Variants in PALLD observed in about 807,000 individuals in gnomAD.
PALLD encodes the protein palladin.
PALLD carries 61 observed loss-of-function variants against 123.5 expected under a neutral mutation model. That is an observed-to-expected ratio of 0.49 (90% CI 0.40 to 0.61). The LOEUF (loss-of-function observed/expected upper bound fraction) is 0.61, where lower values mean the gene tolerates loss of function less well. Among genes scored for constraint, PALLD ranks in the 20% least tolerant of loss-of-function variants. The pLI is 0.00. For missense variants in PALLD, 1,273 were observed against 1,377.0 expected (o/e 0.92, Z 1.20); for synonymous variants, 465 against 496.4 (o/e 0.94, Z 0.84).
intron 10 of PALLD, among the ~76,000 whole-genome samples, chr4:168,878,784 A>C (rs1752213130): frequency 6.6e-6 from 1 of 151,812 alleles, no homozygotes; most frequent in Non-Finnish European, 1.5e-5. Context: ...GCATTGCCCC[A>C]GTTAAAGTAC....
At chr4:168,510,028 T>C (rs560900008) in intron 1 of PALLD, among the ~76,000 whole-genome samples, 78 of 152,324 alleles carry the variant, frequency 5.1e-4, no homozygotes, top group African/African-American at 1.9e-3. Context: ...CTGGGGAATG[T>C]CCCACCAAGT....
In PALLD at chr4:168,878,227, G is replaced by GCCA. The variant is rs201979617; in HGVS notation, c.1965-12689_1965-12687dup. 2,898 of 1,478,304 alleles carry GCCA rather than the reference G, an allele frequency of 2.0e-3. 31 individuals are homozygous for GCCA. Among genetic ancestry groups the GCCA allele is most frequent in the South Asian group, 0.017 (1,372 of 80,878 alleles). The allele number at this position is 1,478,304 out of a possible 1,614,324, so 91.6% of individuals were successfully genotyped here. On this transcript the variant is annotated intron_variant, in intron 10 of 21. Transcript: ENST00000505667. ...TGCCCGACGTGTTCCCACTGCCGCCGCCACCACCGCCGCTCCCGAGCCCGG... is the reference window on the plus strand; with the variant it reads ...TGCCCGACGTGTTCCCACTGCCGCCGCCACCACCACCGCCGCTCCCGAGCCCGG...
rs377371167 is a variant in PALLD at position 168,511,754 on chromosome 4, A to C, written c.250A>C (p.Thr84Pro). 6.8e-6 allele frequency: 11 copies of C among 1,614,046 alleles called. No individual in the cohort carries two copies. Among genetic ancestry groups the C allele is most frequent in the Non-Finnish European group, 9.3e-6 (11 of 1,180,036 alleles). The change falls in exon 2 of 22, where the codon ACC becomes CCC. Residue 84 changes from threonine (T) to proline (P), a missense_variant. Coordinates refer to ENST00000505667, the MANE Select transcript of PALLD (RefSeq NM_001166108.2). ...SLCEHPSHKE[T>P]KLGEHASRRP... ...CTGTGAACATCCTTCCCATAAGGAGACCAAATTGGGTGAACACGCCTCGAG... is the reference window on the plus strand; with the variant it reads ...CTGTGAACATCCTTCCCATAAGGAGCCCAAATTGGGTGAACACGCCTCGAG...
At chr4:168,858,107 A>G (rs1331508827) in intron 10 of PALLD, among the ~76,000 whole-genome samples, 1 of 152,238 alleles carries the variant, frequency 6.6e-6, no homozygotes. Flanking sequence ...GATTTGAAGA[A>G]GTTTTCCTAA....
intron 10 of PALLD, among the ~76,000 whole-genome samples, chr4:168,720,080 T>C (rs1167869867): frequency 6.6e-6 from 1 of 152,180 alleles, no homozygotes; most frequent in Non-Finnish European, 1.5e-5. Flanking sequence ...TGCTGGGTAA[T>C]GTGGGGTGCT....
At chr4:168,604,017 G>GA (rs1187833233) in intron 2 of PALLD, among the ~76,000 whole-genome samples, 2 of 152,076 alleles carry the variant, frequency 1.3e-5, no homozygotes, top group African/African-American at 4.8e-5. Flanking sequence ...ACATAATCTG[G>GA]AAAAAACTAT....
At chr4:168,629,790 T>G (rs1775642327) in intron 2 of PALLD, among the ~76,000 whole-genome samples, 1 of 152,162 alleles carries the variant, frequency 6.6e-6, no homozygotes, top group African/African-American at 2.4e-5. Context: ...GGCAGAGTTT[T>G]CAGTAACATT....
intron 2 of PALLD, among the ~76,000 whole-genome samples, chr4:168,575,453 G>A (rs961191292): frequency 6.6e-6 from 1 of 151,948 alleles, no homozygotes; most frequent in Non-Finnish European, 1.5e-5. Flanking sequence ...ACAGCATGGG[G>A]GAAACCGCCC....
intron 8 of PALLD, among the ~76,000 whole-genome samples, chr4:168,706,642 G>C (rs1297913353): frequency 6.6e-6 from 1 of 152,112 alleles, no homozygotes; most frequent in Non-Finnish European, 1.5e-5. Context: ...CAGAAATGGG[G>C]AAAAGGAAAG....
rs138283237 is a variant in PALLD at position 168,711,808 on chromosome 4, C to A, written c.1849C>A (p.Arg617Ser). Residue 617 changes from arginine to serine, a missense_variant, in exon 10 of 22, where the codon CGT becomes AGT. Arg to Ser is a moderately radical substitution (Grantham distance 110, BLOSUM62 -1). Transcript: ENST00000505667. ...GGAAACGAACGGAGTCCATCCCAGC[C>A]GTGGAGTAAATGGACTGATTAACGG... ...ERETNGVHPS[R>S]GVNGLINGKA... 3 of 1,613,952 alleles carry A rather than the reference C, an allele frequency of 1.9e-6. No individual in the cohort carries two copies. The highest frequency in any genetic ancestry group is 2.2e-5 in the East Asian group (1 of 44,894).
chr4:168,849,914 A>ATAAT (rs1747495073), intron 10 of PALLD, among the ~76,000 whole-genome samples: 1 of 152,170 alleles, frequency 6.6e-6, no homozygotes, highest in Non-Finnish European at 1.5e-5. Flanking sequence ...CCTCCATTAA[A>ATAAT]AGAGATGCCA....
At chr4:168,842,442 T>C (rs1182255126) in intron 10 of PALLD, among the ~76,000 whole-genome samples, 1 of 148,896 alleles carries the variant, frequency 6.7e-6, no homozygotes, top group Non-Finnish European at 1.5e-5. Context: ...GTAGATATCA[T>C]GAGTTAATGA....
rs886199210 is a variant in PALLD, at chr4:168,663,894, A to G, written c.909-4296A>G. On this transcript the variant is annotated intron_variant, in intron 2 of 21. Coordinates refer to ENST00000505667, the MANE Select transcript of PALLD (RefSeq NM_001166108.2). ...TTTAACTTTTAAAATTGATCCATAG[A>G]GTATTGAACATAGTTGATGCTTTAA... Among the ~76,000 whole-genome samples the G allele has an allele frequency of 5.3e-5, 8 of 152,338 alleles. No individual in the cohort carries two copies. The South Asian group carries it at 6.2e-4, about 12-fold the overall frequency.
At chr4:168,507,908 T>G (rs1427275586) in intron 1 of PALLD, among the ~76,000 whole-genome samples, 2 of 152,092 alleles carry the variant, frequency 1.3e-5, no homozygotes. Flanking sequence ...CCATGTGCTC[T>G]CTGGGATCCA....
intron 10 of PALLD, among the ~76,000 whole-genome samples, chr4:168,871,405 T>A (rs568145720): frequency 4.5e-4 from 68 of 152,194 alleles, no homozygotes; most frequent in Middle Eastern, 3.4e-3. Context: ...TTTCTCAACA[T>A]CTGTCTCACA....
intron 2 of PALLD, among the ~76,000 whole-genome samples, chr4:168,558,475 C>G (rs1033213930): frequency 2.6e-5 from 4 of 152,164 alleles, no homozygotes; most frequent in African/African-American, 9.7e-5. Context: ...GATAACACCC[C>G]TCCCTCAGCT....
intron 2 of PALLD, among the ~76,000 whole-genome samples, 182 bp downstream of exon 2, chr4:168,512,594 A>G (rs188875839): frequency 6.6e-6 from 1 of 152,148 alleles, no homozygotes; most frequent in Non-Finnish European, 1.5e-5. Context: ...GGCCTGATAT[A>G]TCTGTGGTCA....
intron 2 of PALLD, among the ~76,000 whole-genome samples, chr4:168,638,837 C>T (rs1234079840): frequency 6.6e-6 from 1 of 152,082 alleles, no homozygotes; most frequent in Non-Finnish European, 1.5e-5. Flanking sequence ...GGGGGCGGGC[C>T]ATAAACATCC....
chr4:168,561,492 C>A (rs548732442), intron 2 of PALLD, among the ~76,000 whole-genome samples: 100 of 152,068 alleles, frequency 6.6e-4, no homozygotes, highest in Non-Finnish European at 1.2e-3. Context: ...CTTGGCTGAT[C>A]GTGAACTCCT....
Sources: allele counts gnomAD v4.1 joint callset (sites outside exome capture counted in the v4.1 genomes callset), GRCh38; gene constraint gnomAD v4.1.1; transcripts MANE v1.5; gene names NCBI Gene and HGNC (gene_info 2026-07-23, HGNC 2026-07-21).